METTL27: variants seen among roughly 807,000 people sequenced by gnomAD.
METTL27 encodes methyltransferase-like protein 27.
In METTL27, 29 loss-of-function variants were observed where a neutral mutation model predicts 24.5. That is an observed-to-expected ratio of 1.18 (90% confidence interval 0.88 to 1.61). METTL27 has a LOEUF of 1.61. METTL27 is among the 40% of genes most tolerant of loss of function. The probability of loss-of-function intolerance (pLI) is 0.00; values close to 1 mark genes in which losing one functional copy is unlikely to be tolerated. For missense variants in METTL27, 341 were observed against 324.3 expected, an observed-to-expected ratio of 1.05 and a Z score of -0.40; for synonymous variants, 138 against 146.8, an observed-to-expected ratio of 0.94 and a Z score of 0.43.
In METTL27 at chr7:73,840,138, G is replaced by T. The variant is rs1219176239; in HGVS notation, c.389-18C>A. On this transcript the variant is annotated intron_variant, in intron 4 of 5. Transcript: ENST00000297873. ...GAAGGTCCCTGTGTGTGTGTGGGGG[G>T]GGGTGGGGACATGGTGTGATGCTTG... is the stretch of plus-strand genomic sequence containing the variant. 2 of 1,459,900 alleles carry T rather than the reference G, an allele frequency of 1.4e-6. No homozygotes were observed. Among genetic ancestry groups the T allele is most frequent in the Admixed American group, 1.8e-5 (1 of 56,880 alleles). 90.4% of individuals were successfully genotyped at this position (1,459,900 alleles called of 1,614,324 possible). A position where few individuals can be genotyped will look rare whatever the true frequency, so the allele number is the denominator to read the frequency against.
At chr7:73,838,473 GAGA>G (rs1554635734) in intron 5 of METTL27, among the ~76,000 whole-genome samples, 1 of 152,206 alleles carries the variant, frequency 6.6e-6, no homozygotes, top group Non-Finnish European at 1.5e-5. Flanking sequence ...CAAGTGCACT[GAGA>G]AGGAGAGATG....
intron 2 of METTL27, 85 bp downstream of exon 2, chr7:73,841,933 C>A: frequency 6.2e-7 from 1 of 1,600,468 alleles, no homozygotes; most frequent in Non-Finnish European, 8.5e-7. Flanking sequence ...CTCACAGCCG[C>A]CCCCGGGTGC....
chr7:73,842,481 A>G lies in METTL27; in HGVS notation c.-5+9T>C, dbSNP rs1788393670. 4 of 279,250 alleles carry G rather than the reference A, an allele frequency of 1.4e-5. No homozygotes were observed. Among genetic ancestry groups the G allele is most frequent in the South Asian group, 1.2e-4 (2 of 17,170 alleles). The allele number at this position is 279,250 out of a possible 1,614,324, so 17.3% of individuals were successfully genotyped here. A position where few individuals can be genotyped will look rare whatever the true frequency, so the allele number is the denominator to read the frequency against. ...AACGGTCTCGAAGGAGGCCGGAGTC[A>G]GAACTCACCGCCAATCCAGCGCGCC... On this transcript the variant is annotated intron_variant, in intron 1 of 5. Coordinates refer to ENST00000297873, the MANE Select transcript of METTL27 (RefSeq NM_152559.3).
intron 5 of METTL27, 30 bp downstream of exon 5, chr7:73,840,001 T>C (rs782798625): frequency 1.7e-5 from 26 of 1,565,054 alleles, no homozygotes; most frequent in Non-Finnish European, 1.9e-5. Flanking sequence ...GTGACGGGGG[T>C]TGGGGGTGGT....
In METTL27 at chr7:73,834,719, C is replaced by G. The variant is rs781853917; in HGVS notation, c.*24G>C. 1.2e-6 allele frequency: 2 copies of G among 1,603,036 alleles called. No individual in the cohort carries two copies. The highest frequency in any genetic ancestry group is 1.7e-5 in the Admixed American group (1 of 58,754). On this transcript the variant is annotated 3_prime_UTR_variant, in exon 6 of 6. Transcript: ENST00000297873. Reference sequence around the variant, plus strand: ...GCTAAGGCCACATGGAGTCAGGGGCCAGCTGGGGGCTGGGGGCTGGATCTC... The same window carrying G: ...GCTAAGGCCACATGGAGTCAGGGGCGAGCTGGGGGCTGGGGGCTGGATCTC...
chr7:73,837,636 TC>T (rs1394041068), intron 5 of METTL27, among the ~76,000 whole-genome samples: 6 of 152,128 alleles, frequency 3.9e-5, no homozygotes, highest in African/African-American at 4.8e-5. Flanking sequence ...TGCTCTTGGC[TC>T]ACTTCAGCCT....
intron 2 of METTL27, 93 bp from the exon 3 acceptor site, chr7:73,841,291 G>T: frequency 6.8e-7 from 1 of 1,479,368 alleles, no homozygotes. Context: ...AGGCTAAGCT[G>T]TGTGTGTTGG....
chr7:73,841,577 A>G (rs1788356697), intron 2 of METTL27, among the ~76,000 whole-genome samples: 1 of 151,368 alleles, frequency 6.6e-6, no homozygotes, highest in South Asian at 2.1e-4. Flanking sequence ...GATTCAGGCA[A>G]TTCTCCTGCA....
At chr7:73,837,317 T>A (rs9690313) in intron 5 of METTL27, among the ~76,000 whole-genome samples, 49 of 137,394 alleles carry the variant, frequency 3.6e-4, no homozygotes, top group South Asian at 4.6e-4. Flanking sequence ...TTAAAAAAAA[T>A]AAAAAAAAAT....
intron 1 of METTL27, 75 bp from the exon 2 acceptor site, chr7:73,842,219 C>T: frequency 2.0e-6 from 3 of 1,528,924 alleles, no homozygotes; most frequent in Non-Finnish European, 2.6e-6. Context: ...TCCCTCCTCC[C>T]CCTTCAGAGG....
rs778034876 is a variant in METTL27, at chr7:73,840,560, G to T, written c.253-11C>A. 1.3e-6 allele frequency: 2 copies of T among 1,573,136 alleles called. No individual in the cohort carries two copies. The highest frequency in any genetic ancestry group is 1.2e-5 in the South Asian group (1 of 84,538). On this transcript the variant is annotated splice_polypyrimidine_tract_variant and intron_variant, in intron 3 of 5. Transcript: ENST00000297873. ...GCCTGGAGCCCGCAGCTGGGGTAGG[G>T]GTGGGAGACTCAGTCATGGTTCACA...
intron 2 of METTL27, 131 bp from the exon 3 acceptor site, chr7:73,841,329 A>AG (rs1307822651): frequency 4.8e-5 from 65 of 1,348,774 alleles, no homozygotes; most frequent in Non-Finnish European, 5.7e-5. Flanking sequence ...GGCTAGCGTG[A>AG]GGGGACGCCC....
At chr7:73,842,401 C>G (rs1302166321) in intron 1 of METTL27, 89 bp downstream of exon 1, 5 of 475,124 alleles carry the variant, frequency 1.1e-5, no homozygotes, top group Non-Finnish European at 1.8e-5. Flanking sequence ...ACCTATCTTC[C>G]TCTTTTCCGC....
intron 5 of METTL27, among the ~76,000 whole-genome samples, chr7:73,837,197 G>T (rs1393823450): frequency 2.8e-5 from 4 of 142,546 alleles, no homozygotes; most frequent in African/African-American, 2.6e-5. Context: ...TTGTTCACTT[G>T]TTTAGCTGCT....
intron 5 of METTL27, among the ~76,000 whole-genome samples, chr7:73,835,898 G>A (rs190201577): frequency 0.01 from 1,495 of 146,962 alleles, no homozygotes; most frequent in Middle Eastern, 0.014. Context: ...ACCTCTGCCC[G>A]GCCGCAACCC....
intron 5 of METTL27, among the ~76,000 whole-genome samples, chr7:73,838,011 G>A (rs1358737878): frequency 6.7e-6 from 1 of 149,380 alleles, no homozygotes; most frequent in Non-Finnish European, 1.5e-5. Context: ...CACCACGCCT[G>A]GCTAATTAAA....
chr7:73,841,937 C>T, intron 2 of METTL27, 81 bp downstream of exon 2: 1 of 1,607,584 alleles, frequency 6.2e-7, no homozygotes, highest in African/African-American at 1.3e-5. Context: ...CAGCCGCCCC[C>T]GGGTGCAAGG....
In METTL27 at chr7:73,840,106, C is replaced by A; in HGVS notation, c.403G>T (p.Val135Leu). ...TCACTGAGGGCACCGACTATCAGCA[C>A]CGCGTCGAAGGTCCCTGTGTGTGTG... ...LPSPEGTFDA[V>L]LIVGALSDGQ... is the part of the protein sequence containing the mutation. The change falls in exon 5 of 6, where the codon GTG becomes TTG. Residue 135 changes from valine (V) to leucine (L), a missense_variant. By Grantham distance (32) the Val-to-Leu change is conservative. Coordinates refer to ENST00000297873, the MANE Select transcript of METTL27 (RefSeq NM_152559.3). 6.2e-7 allele frequency: 1 copy of A among 1,603,122 alleles called. No homozygotes were observed. The highest frequency in any genetic ancestry group is 8.5e-7 in the Non-Finnish European group (1 of 1,176,088).
chr7:73,836,156 A>G (rs1203455387), intron 5 of METTL27, among the ~76,000 whole-genome samples: 1 of 109,082 alleles, frequency 9.2e-6, no homozygotes, highest in Non-Finnish European at 2.1e-5. Flanking sequence ...CTGCCCGGCC[A>G]GCCGCCCATC....
Sources: allele counts gnomAD v4.1 joint callset (sites outside exome capture counted in the v4.1 genomes callset), GRCh38; gene constraint gnomAD v4.1.1; transcripts MANE v1.5; gene names NCBI Gene and HGNC (gene_info 2026-07-23, HGNC 2026-07-21).